The following NALF1 variants were observed in gnomAD, a reference collection of about 807,000 sequenced individuals.
NALF1 encodes NALCN channel auxiliary factor 1.
NALF1 carries 3 observed loss-of-function variants against 48.4 expected under a neutral mutation model. The observed-to-expected ratio is 0.06, with a 90% CI of 0.03 to 0.16. The LOEUF (loss-of-function observed/expected upper bound fraction) is 0.16. NALF1 is among the 10% of genes least tolerant of loss of function. The probability of loss-of-function intolerance (pLI) is 1.00; values close to 1 mark genes in which losing one functional copy is unlikely to be tolerated. For synonymous variants in NALF1, 262 were observed against 245.7 expected (o/e 1.07, Z -0.62); for missense variants, 526 against 571.5 (o/e 0.92, Z 0.81).
rs924058027 is a variant in NALF1 at position 107,665,523 on chromosome 13, T to C, written c.915+200159A>G. Among the ~76,000 whole-genome samples, 6 of 152,182 alleles carry C rather than the reference T, an allele frequency of 3.9e-5. No homozygotes were observed. The East Asian group carries it at 9.6e-4, about 24-fold the overall frequency. ...ATTTGTCAGTCCTGTCTAATAAATA[T>C]ATAGTATTTCATGGCATGGTAATTC... On this transcript the variant is annotated intron_variant, in intron 1 of 2. Transcript: ENST00000375915.
At chr13:107,561,221 C>G (rs530133917) in intron 1 of NALF1, among the ~76,000 whole-genome samples, 5 of 152,134 alleles carry the variant, frequency 3.3e-5, no homozygotes, top group Admixed American at 3.3e-4. Context: ...ACAAATATCC[C>G]GAAGATTTCC....
chr13:107,178,106 G>T (rs1878979008), intron 2 of NALF1, among the ~76,000 whole-genome samples: 1 of 151,648 alleles, frequency 6.6e-6, no homozygotes, highest in African/African-American at 2.4e-5. Flanking sequence ...ATTACTAAAA[G>T]AAAACACTAG....
chr13:107,421,081 G>A (rs554171626), intron 1 of NALF1, among the ~76,000 whole-genome samples: 23 of 152,218 alleles, frequency 1.5e-4, no homozygotes, highest in African/African-American at 5.3e-4. Context: ...CTTCAAATAT[G>A]GAAAGAAATA....
At chr13:107,663,246 A>G (rs568208821) in intron 1 of NALF1, among the ~76,000 whole-genome samples, 1 of 152,366 alleles carries the variant, frequency 6.6e-6, no homozygotes, top group South Asian at 2.1e-4. Context: ...GACTCTTTTC[A>G]TAACAGCACA....
intron 1 of NALF1, among the ~76,000 whole-genome samples, chr13:107,469,886 G>A (rs1324487611): frequency 3.3e-5 from 5 of 151,818 alleles, no homozygotes; most frequent in African/African-American, 1.2e-4. Flanking sequence ...TGGGACTACA[G>A]GTGCCTGCCA....
chr13:107,303,612 T>C (rs2138895391), intron 1 of NALF1, among the ~76,000 whole-genome samples: 1 of 152,308 alleles, frequency 6.6e-6, no homozygotes, highest in Middle Eastern at 3.4e-3. Context: ...CTGTTTTCAT[T>C]ATTACAAACT....
intron 1 of NALF1, among the ~76,000 whole-genome samples, chr13:107,553,541 C>T (rs1221584782): frequency 6.6e-6 from 1 of 152,128 alleles, no homozygotes; most frequent in Admixed American, 6.5e-5. Flanking sequence ...TTATGATTTA[C>T]TATAGATTTT....
chr13:107,286,601 A>AAAAG (rs1555330477), intron 1 of NALF1, among the ~76,000 whole-genome samples: 162 of 147,412 alleles, frequency 1.1e-3, no homozygotes, highest in East Asian at 1.4e-3. Context: ...AAAAAAAAAA[A>AAAAG]AAAGAAAGAA....
chr13:107,691,926 A>G (rs1881577254), intron 1 of NALF1, among the ~76,000 whole-genome samples: 1 of 152,234 alleles, frequency 6.6e-6, no homozygotes, highest in African/African-American at 2.4e-5. Flanking sequence ...ACAACTGAAG[A>G]CATGACATAT....
At chr13:107,298,990 T>C (rs1287574727) in intron 1 of NALF1, among the ~76,000 whole-genome samples, 1 of 152,188 alleles carries the variant, frequency 6.6e-6, no homozygotes, top group African/African-American at 2.4e-5. Context: ...TAGGATCCTA[T>C]ACTCTATTTA....
chr13:107,634,962 A>C (rs1879934967), intron 1 of NALF1, among the ~76,000 whole-genome samples: 1 of 152,168 alleles, frequency 6.6e-6, no homozygotes, highest in Non-Finnish European at 1.5e-5. Flanking sequence ...ATAGTTACAC[A>C]AACAAGCTGA....
intron 1 of NALF1, among the ~76,000 whole-genome samples, chr13:107,254,328 C>T (rs932817907): frequency 1.3e-5 from 2 of 152,100 alleles, no homozygotes; most frequent in African/African-American, 4.8e-5. Context: ...GCACGCTCAG[C>T]CTTACGCCAT....
At chr13:107,596,025 C>G (rs563299133) in intron 1 of NALF1, among the ~76,000 whole-genome samples, 21 of 152,160 alleles carry the variant, frequency 1.4e-4, no homozygotes, top group African/African-American at 5.1e-4. Context: ...TGCCAAAACC[C>G]AGCTGTGTAT....
rs1878619695 is a variant in NALF1 at position 107,164,502 on chromosome 13, T to G, written c.*5995A>C. On this transcript the variant is annotated 3_prime_UTR_variant, in exon 3 of 3. Transcript: ENST00000375915. ...CAGAGGCATCAAATATTTATATATA[T>G]TTTTTGATCTATGAGTGCCTTAAAC... 6.6e-6 allele frequency: 1 copy of G among 152,102 alleles called. No individual in the cohort carries two copies. The highest frequency in any genetic ancestry group is 1.5e-5 in the Non-Finnish European group (1 of 68,022). The allele number at this position is 152,102 out of a possible 1,614,324, so 9.4% of individuals were successfully genotyped here.
chr13:107,744,408 A>C (rs1876725280), intron 1 of NALF1, among the ~76,000 whole-genome samples: 1 of 152,254 alleles, frequency 6.6e-6, no homozygotes, highest in African/African-American at 2.4e-5. Context: ...TGTTTTAAAA[A>C]AAAATGATAT....
chr13:107,803,612 A>C (rs2138599225), intron 1 of NALF1, among the ~76,000 whole-genome samples: 1 of 152,304 alleles, frequency 6.6e-6, no homozygotes, highest in African/African-American at 2.4e-5. Flanking sequence ...TACCTTCCCC[A>C]GGCAAAGGCT....
intron 1 of NALF1, among the ~76,000 whole-genome samples, chr13:107,436,042 A>C (rs1284175220): frequency 6.6e-6 from 1 of 152,182 alleles, no homozygotes; most frequent in African/African-American, 2.4e-5. Flanking sequence ...TCTTTATAAA[A>C]TCACTAGGTC....
chr13:107,682,140 C>A (rs952093142), intron 1 of NALF1, among the ~76,000 whole-genome samples: 1 of 152,194 alleles, frequency 6.6e-6, no homozygotes, highest in Non-Finnish European at 1.5e-5. Flanking sequence ...TCTCCTAGGT[C>A]GTGCAAACTT....
chr13:107,170,721 A>C lies in NALF1; in HGVS notation c.1153T>G (p.Ser385Ala). 6.2e-7 allele frequency: 1 copy of C among 1,613,952 alleles called. No individual in the cohort carries two copies. Among genetic ancestry groups the C allele is most frequent in the Non-Finnish European group, 8.5e-7 (1 of 1,179,986 alleles). The change falls in exon 3 of 3, where the codon TCA becomes GCA. Residue 385 changes from serine (S) to alanine (A), a missense_variant. Transcript: ENST00000375915. ...ECCDVRREEK[S>A]NNPSKGTVEK... ...ACGGTCCCTTTGGATGGGTTATTTGATTTTTCTTCTCTCCTGACGTCACAG... is the reference window on the plus strand; with the variant it reads ...ACGGTCCCTTTGGATGGGTTATTTGCTTTTTCTTCTCTCCTGACGTCACAG...
Sources: gnomAD v4.1 joint callset for allele counts (sites outside exome capture counted in the v4.1 genomes callset) on GRCh38, gnomAD v4.1.1 for gene constraint, MANE v1.5 for transcripts, NCBI Gene and HGNC (gene_info 2026-07-23, HGNC 2026-07-21) for gene names.